Variants in KCNMA1 observed in about 807,000 individuals in gnomAD.
KCNMA1 encodes potassium calcium-activated channel subfamily M alpha 1.
KCNMA1 carries 29 observed loss-of-function variants against 140.0 expected under a neutral mutation model. That is an observed-to-expected ratio of 0.21 (90% CI 0.15 to 0.28). The LOEUF (loss-of-function observed/expected upper bound fraction) is 0.28, where lower values mean the gene tolerates loss of function less well. Ranked by LOEUF, KCNMA1 falls within the 10% of genes least tolerant of loss-of-function variation. The pLI, the probability that KCNMA1 is intolerant of heterozygous loss-of-function variation, is 1.00. For missense variants in KCNMA1, 880 were observed against 1,602.2 expected, an observed-to-expected ratio of 0.55 and a Z score of 7.70; for synonymous variants, 612 against 611.9, an observed-to-expected ratio of 1.00 and a Z score of 0.00.
chr10:77,090,350 G>A (rs199896891), intron 10 of KCNMA1, 50 bp downstream of exon 10: 25 of 1,201,424 alleles, frequency 2.1e-5, no homozygotes, highest in South Asian at 6.0e-5. Context: ...GGAGTCCCTC[G>A]CAGGGTGTGT....
intron 1 of KCNMA1, among the ~76,000 whole-genome samples, chr10:77,514,543 C>A (rs1329166093): frequency 6.6e-6 from 1 of 152,176 alleles, no homozygotes; most frequent in African/African-American, 2.4e-5. Flanking sequence ...TCCCAGCTGG[C>A]CCCCAGGCTT....
chr10:77,212,203 C>G (rs879815672), intron 3 of KCNMA1, among the ~76,000 whole-genome samples: 4 of 152,074 alleles, frequency 2.6e-5, no homozygotes, highest in Non-Finnish European at 4.4e-5. Flanking sequence ...AACCTAGGTG[C>G]CCATCAATGG....
Position 76,954,271 on chromosome 10 carries a change from A to G in KCNMA1, c.2361-347T>C, listed in dbSNP as rs963493828. Among the ~76,000 whole-genome samples the G allele has an allele frequency of 3.4e-3, 461 of 136,192 alleles. 1 individual carries two copies. Among genetic ancestry groups the G allele is most frequent in the African/African-American group, 0.011 (429 of 37,410 alleles). 89.3% of individuals were successfully genotyped at this position (136,192 alleles called of 152,430 possible). On this transcript the variant is annotated intron_variant, in intron 20 of 27. Transcript: ENST00000286628. ...CAGCTATTCGATCTCCCCAGCGTGC[A>G]CACACACACACACACACACACATAC...
intron 3 of KCNMA1, among the ~76,000 whole-genome samples, chr10:77,246,433 C>G (rs566122182): frequency 6.6e-6 from 1 of 152,338 alleles, no homozygotes; most frequent in East Asian, 1.9e-4. Context: ...TTCCCTCCAA[C>G]GACTTGCCCT....
At chr10:76,952,816 T>G (rs1296406710) in intron 21 of KCNMA1, among the ~76,000 whole-genome samples, 1 of 152,140 alleles carries the variant, frequency 6.6e-6, no homozygotes, top group Non-Finnish European at 1.5e-5. Context: ...TTAGGAAGGG[T>G]GGTCCTGACA....
At chr10:77,112,236 T>C in intron 7 of KCNMA1, 131 bp downstream of exon 7, 1 of 717,396 alleles carries the variant, frequency 1.4e-6, no homozygotes. Context: ...ATTGTGTGGT[T>C]GCTTCCCATC....
At chr10:77,466,745 C>T (rs2098026051) in intron 1 of KCNMA1, among the ~76,000 whole-genome samples, 1 of 152,094 alleles carries the variant, frequency 6.6e-6, no homozygotes, top group Non-Finnish European at 1.5e-5. Flanking sequence ...GCAAACAAGC[C>T]TCCTGTGCAG....
chr10:77,213,029 A>T (rs1172018585), intron 3 of KCNMA1, among the ~76,000 whole-genome samples: 5 of 152,056 alleles, frequency 3.3e-5, no homozygotes, highest in Non-Finnish European at 7.4e-5. Flanking sequence ...TTTTTTAAGT[A>T]ATTTGTAGTT....
At position 77,284,454 on chromosome 10, in the gene KCNMA1, T is replaced by C. The variant is rs540728747; in HGVS notation, c.541-33198A>G. 2.0e-5 allele frequency among the ~76,000 whole-genome samples: 3 copies of C among 152,344 alleles called. No homozygotes were observed. The East Asian group carries it at 5.8e-4, about 29-fold the overall frequency. Reference sequence around the variant, plus strand: ...AGCAGAACCAAATCAAATTTCTCTTTGACAGGCTTGCCCTGGTTTTATAAT... The same window carrying C: ...AGCAGAACCAAATCAAATTTCTCTTCGACAGGCTTGCCCTGGTTTTATAAT... On this transcript the variant is annotated intron_variant, in intron 2 of 27. Coordinates refer to ENST00000286628, the MANE Select transcript of KCNMA1 (RefSeq NM_001161352.2).
chr10:77,157,562 A>T (rs1313113982), intron 5 of KCNMA1, among the ~76,000 whole-genome samples: 1 of 152,188 alleles, frequency 6.6e-6, no homozygotes, highest in African/African-American at 2.4e-5. Context: ...TTATTTTGAA[A>T]ATACATAAGG....
chr10:77,328,556 T>C (rs1399178169), intron 2 of KCNMA1, among the ~76,000 whole-genome samples: 1 of 152,206 alleles, frequency 6.6e-6, no homozygotes. Context: ...TTAACTAAAA[T>C]GTTTGTCTAC....
intron 2 of KCNMA1, among the ~76,000 whole-genome samples, chr10:77,397,238 C>T (rs917541283): frequency 6.6e-6 from 1 of 152,122 alleles, no homozygotes; most frequent in Non-Finnish European, 1.5e-5. Context: ...AGAATCTCTT[C>T]GCCTCCAGCC....
At position 76,886,699 on chromosome 10, in the gene KCNMA1, A is replaced by C. The variant is rs200191468; in HGVS notation, c.*567T>G. The C allele has an allele frequency of 1.0e-6, 1 of 1,003,480 alleles. No homozygotes were observed. Among genetic ancestry groups the C allele is most frequent in the Non-Finnish European group, 1.2e-6 (1 of 840,196 alleles). 62.2% of individuals were successfully genotyped at this position (1,003,480 alleles called of 1,614,324 possible). A position where few individuals can be genotyped will look rare whatever the true frequency, so the allele number is the denominator to read the frequency against. Reference sequence around the variant, plus strand: ...CAGGTCCTTCATAATCATCTACACAAATCGTGAAAGCTTTTCAAATGCTTC... The same window carrying C: ...CAGGTCCTTCATAATCATCTACACACATCGTGAAAGCTTTTCAAATGCTTC... On this transcript the variant is annotated 3_prime_UTR_variant, in exon 28 of 28. Coordinates refer to ENST00000286628, the MANE Select transcript of KCNMA1 (RefSeq NM_001161352.2).
intron 14 of KCNMA1, among the ~76,000 whole-genome samples, chr10:77,057,420 AC>A (rs2095580970): frequency 6.6e-6 from 1 of 152,210 alleles, no homozygotes; most frequent in African/African-American, 2.4e-5. Context: ...AGTTGGACAA[AC>A]AGAACAGGAA....
chr10:77,165,279 C>G (rs991971830), intron 5 of KCNMA1, among the ~76,000 whole-genome samples: 1 of 152,088 alleles, frequency 6.6e-6, no homozygotes, highest in Non-Finnish European at 1.5e-5. Context: ...GCAGAGAAGT[C>G]CTCACTTAAA....
At chr10:77,396,240 G>A (rs1324234299) in intron 2 of KCNMA1, among the ~76,000 whole-genome samples, 1 of 152,076 alleles carries the variant, frequency 6.6e-6, no homozygotes, top group Non-Finnish European at 1.5e-5. Context: ...TGCTACACAA[G>A]GCATTGGCCA....
intron 5 of KCNMA1, among the ~76,000 whole-genome samples, chr10:77,177,587 C>T (rs1330632244): frequency 6.6e-6 from 1 of 151,978 alleles, no homozygotes; most frequent in East Asian, 1.9e-4. Context: ...GTCCTCCTGC[C>T]TCATCCTCCC....
At chr10:77,347,748 A>G (rs1002491956) in intron 2 of KCNMA1, among the ~76,000 whole-genome samples, 1 of 152,240 alleles carries the variant, frequency 6.6e-6, no homozygotes, top group Non-Finnish European at 1.5e-5. Flanking sequence ...TGATAAGAAG[A>G]CAGTACCAAC....
chr10:77,127,998 A>T lies in KCNMA1; in HGVS notation c.809-6950T>A, dbSNP rs370709987. Reference sequence around the variant, plus strand: ...CAAAAAAATTAAAAATTTAAAAATTAAAAAAAAAATCCTAATTTGATAGAC... The same window carrying T: ...CAAAAAAATTAAAAATTTAAAAATTTAAAAAAAAATCCTAATTTGATAGAC... On this transcript the variant is annotated intron_variant, in intron 5 of 27. Transcript: ENST00000286628. Among the ~76,000 whole-genome samples, 87 of 149,332 alleles carry T rather than the reference A, an allele frequency of 5.8e-4. 1 individual carries two copies. Among genetic ancestry groups the T allele is most frequent in the South Asian group, 2.4e-3 (11 of 4,668 alleles).
Sources: gnomAD v4.1 joint callset for allele counts (sites outside exome capture counted in the v4.1 genomes callset) on GRCh38, gnomAD v4.1.1 for gene constraint, MANE v1.5 for transcripts, NCBI Gene and HGNC (gene_info 2026-07-23, HGNC 2026-07-21) for gene names.